The following TNS4 variants were observed in gnomAD, a reference collection of about 807,000 sequenced individuals.
The protein encoded by TNS4 is tensin 4, also known as tensin-4.
TNS4 carries 46 observed loss-of-function variants against 70.4 expected under a neutral mutation model. That is an observed-to-expected ratio of 0.65 (90% CI 0.52 to 0.84). TNS4 has a LOEUF of 0.84. TNS4 is among the 40% of genes least tolerant of loss of function. The probability of loss-of-function intolerance (pLI) is 0.00; values close to 1 mark genes in which losing one functional copy is unlikely to be tolerated. For missense variants in TNS4, 863 were observed against 907.0 expected, an observed-to-expected ratio of 0.95 and a Z score of 0.62; for synonymous variants, 390 against 366.6, an observed-to-expected ratio of 1.06 and a Z score of -0.73.
At chr17:40,497,606 C>CTAAACAAA (rs532218353) in intron 1 of TNS4, among the ~76,000 whole-genome samples, 1 of 152,074 alleles carries the variant, frequency 6.6e-6, no homozygotes, top group African/African-American at 2.4e-5. Flanking sequence ...CTGTCTCTAA[C>CTAAACAAA]TAAACAAATA....
At chr17:40,479,086 T>C (rs955949315) in intron 10 of TNS4, among the ~76,000 whole-genome samples, 1 of 152,178 alleles carries the variant, frequency 6.6e-6, no homozygotes, top group Non-Finnish European at 1.5e-5. Flanking sequence ...AGGGAAGATG[T>C]TCCATCAATG....
At position 40,488,686 on chromosome 17, in the gene TNS4, C is replaced by T. The variant is rs376473679; in HGVS notation, c.723G>A (p.Ser241=). The stretch of plus-strand genomic sequence containing the variant: ...GCGGGGAGCCCAAACCATGGGGGCT[C>T]GAGGCCTTGCTCCCCATGCAAGGGA... The part of the protein sequence containing the change: ...ISIPCMGSKA[S]SPHGLGSPLV... The change falls in exon 3 of 13, where the codon TCG becomes TCA. Residue 241 remains serine, a synonymous_variant. Coordinates refer to ENST00000254051, the MANE Select transcript of TNS4 (RefSeq NM_032865.6). 1.6e-5 allele frequency: 25 copies of T among 1,577,216 alleles called. No individual in the cohort carries two copies. Among genetic ancestry groups the T allele is most frequent in the Middle Eastern group, 1.7e-4 (1 of 5,894 alleles).
At chr17:40,497,140 T>C (rs1468901347) in intron 1 of TNS4, among the ~76,000 whole-genome samples, 6 of 152,086 alleles carry the variant, frequency 3.9e-5, no homozygotes, top group Non-Finnish European at 8.8e-5. Flanking sequence ...TGAACAACTG[T>C]AAGCAGTGTC....
Position 40,476,431 on chromosome 17 carries a change from G to GTGTGTGTGT in TNS4, c.*1156_*1157insACACACACA, listed in dbSNP as rs2035850392. Reference sequence around the variant, plus strand: ...GTGTGTGTGTGTGTGTGTGTGTGTTGGAGCGTGGGTTGGGGGAGGGCTCAG... The same window carrying GTGTGTGTGT: ...GTGTGTGTGTGTGTGTGTGTGTGTTGTGTGTGTGTGAGCGTGGGTTGGGGGAGGGCTCAG... On this transcript the variant is annotated 3_prime_UTR_variant, in exon 13 of 13. Transcript: ENST00000254051. 1 of 90,060 alleles carries GTGTGTGTGT rather than the reference G, an allele frequency of 1.1e-5. No individual in the cohort carries two copies. Among genetic ancestry groups the GTGTGTGTGT allele is most frequent in the Admixed American group, 1.4e-4 (1 of 7,026 alleles). The allele number at this position is 90,060 out of a possible 1,614,324, so 5.6% of individuals were successfully genotyped here.
chr17:40,484,560 G>A lies in TNS4; in HGVS notation c.1425C>T (p.Asp475=). Reference sequence around the variant, plus strand: ...CGAAGGAGCCTCGGTATGAAGAGCTGTCCCTTATGACAAAAGCCCCTGGCT... The same window carrying A: ...CGAAGGAGCCTCGGTATGAAGAGCTATCCCTTATGACAAAAGCCCCTGGCT... The part of the protein sequence containing the change: ...KEEPGAFVIR[D]SSSYRGSFGL... The change falls in exon 6 of 13, where the codon GAC becomes GAT. Residue 475 remains aspartate, a synonymous_variant. Coordinates refer to ENST00000254051, the MANE Select transcript of TNS4 (RefSeq NM_032865.6). 1 of 1,612,916 alleles carries A rather than the reference G, an allele frequency of 6.2e-7. No homozygotes were observed. Among genetic ancestry groups the A allele is most frequent in the South Asian group, 1.1e-5 (1 of 91,082 alleles).
In TNS4 at chr17:40,496,033, G is replaced by C; in HGVS notation, c.393C>G (p.Ala131=). 6.2e-7 allele frequency: 1 copy of C among 1,613,532 alleles called. No homozygotes were observed. Among genetic ancestry groups the C allele is most frequent in the Non-Finnish European group, 8.5e-7 (1 of 1,179,816 alleles). Residue 131 remains alanine, a synonymous_variant, in exon 2 of 13, where the codon GCC becomes GCG. Transcript: ENST00000254051. Reference sequence around the variant, plus strand: ...TCTTTCTCATTGACATGGTGCTCTGGGCCAGCTCAGCCTGGGAGCCCCCAG... The same window carrying C: ...TCTTTCTCATTGACATGGTGCTCTGCGCCAGCTCAGCCTGGGAGCCCCCAG... ...PGTGGSQAEL[A]QSTMSMRKKE... is the part of the protein sequence containing the mutation.
Position 40,479,726 on chromosome 17 carries a change from C to T in TNS4, c.1858G>A (p.Val620Ile), listed in dbSNP as rs750443853. 1.2e-6 allele frequency: 2 copies of T among 1,614,110 alleles called. No homozygotes were observed. Among genetic ancestry groups the T allele is most frequent in the Non-Finnish European group, 1.7e-6 (2 of 1,180,018 alleles). ...CCCTGCTCTGTGACTTTGAAGTGGA[C>T]CACGGTGGGCGTGGGGAGGATGTCC... is the stretch of plus-strand genomic sequence containing the variant. ...ERDILPTPTV[V>I]HFKVTEQGIT... Residue 620 changes from valine to isoleucine, a missense_variant, in exon 10 of 13, where the codon GTC (valine) becomes ATC (isoleucine). Val to Ile is a conservative substitution (Grantham distance 29). Transcript: ENST00000254051.
chr17:40,480,960 G>C, intron 8 of TNS4, 192 bp from the exon 9 acceptor site: 1 of 609,328 alleles, frequency 1.6e-6, no homozygotes, highest in Non-Finnish European at 2.9e-6. Context: ...TAAATGCTTA[G>C]TTTGCAACCC....
In TNS4 at chr17:40,484,932, G is replaced by A. The variant is rs1349279303; in HGVS notation, c.1364C>T (p.Thr455Ile). The A allele has an allele frequency of 1.9e-6, 3 of 1,614,196 alleles. No individual in the cohort carries two copies. Among genetic ancestry groups the A allele is most frequent in the Non-Finnish European group, 8.5e-7 (1 of 1,180,046 alleles). ...GTGCTTCCTTTTACCTTGCTCTCGG[G>A]TGATGTTTGGCTTAAACCAGTATTT... ...TSKYWFKPNI[T>I]REQAIELLRK... Residue 455 changes from threonine (T) to isoleucine (I), a missense_variant, in exon 5 of 13, where the codon ACC becomes ATC. Coordinates refer to ENST00000254051, the MANE Select transcript of TNS4 (RefSeq NM_032865.6).
intron 1 of TNS4, among the ~76,000 whole-genome samples, chr17:40,500,205 C>G (rs1001897807): frequency 1.3e-5 from 2 of 152,200 alleles, no homozygotes; most frequent in Admixed American, 6.5e-5. Context: ...ATTTAAGAAC[C>G]CTGTCCACCG....
intron 5 of TNS4, 152 bp from the exon 6 acceptor site, chr17:40,484,761 G>A: frequency 7.0e-7 from 1 of 1,419,328 alleles, no homozygotes; most frequent in Non-Finnish European, 9.6e-7. Flanking sequence ...TCTTGCTGTG[G>A]TTCCTACTTC....
intron 3 of TNS4, 74 bp downstream of exon 3, chr17:40,488,472 T>A: frequency 7.3e-7 from 1 of 1,370,482 alleles, no homozygotes; most frequent in Non-Finnish European, 9.6e-7. Context: ...AGGGTCCCTT[T>A]CAGTGATTTT....
chr17:40,480,555 T>G, intron 9 of TNS4, 145 bp downstream of exon 9: 5 of 763,000 alleles, frequency 6.6e-6, no homozygotes, highest in East Asian at 3.5e-5. Context: ...GTGTGGCACC[T>G]TGTTAAAGAT....
In TNS4 at chr17:40,487,071, G is replaced by A; in HGVS notation, c.1253C>T (p.Thr418Ile). ...TGTGGTAAAGGGGGCATCTGACAGGGTCTGGCTGTTGCTCCTGGTGGCTGG... is the reference window on the plus strand; with the variant it reads ...TGTGGTAAAGGGGGCATCTGACAGGATCTGGCTGTTGCTCCTGGTGGCTGG... Reference protein sequence around the residue: ...PCPATRSNSQTLSDAPFTTCP... With the variant: ...PCPATRSNSQILSDAPFTTCP... The change falls in exon 4 of 13, where the codon ACC becomes ATC. Residue 418 changes from threonine (T) to isoleucine (I), a missense_variant. Transcript: ENST00000254051. The A allele has an allele frequency of 6.2e-7, 1 of 1,614,218 alleles. No homozygotes were observed. The highest frequency in any genetic ancestry group is 8.5e-7 in the Non-Finnish European group (1 of 1,180,034).
At chr17:40,489,502 G>A (rs2036038403) in intron 2 of TNS4, among the ~76,000 whole-genome samples, 1 of 152,130 alleles carries the variant, frequency 6.6e-6, no homozygotes, top group African/African-American at 2.4e-5. Context: ...TGCTACTCAG[G>A]ATGTGTGAAA....
chr17:40,479,739 G>T lies in TNS4; in HGVS notation c.1845C>A (p.Pro615=), dbSNP rs772411955. ...ISTTFERDIL[P]TPTVVHFKVT... ...CTTTGAAGTGGACCACGGTGGGCGTGGGGAGGATGTCCCTCTCAAAGGTGG... is the reference window on the plus strand; with the variant it reads ...CTTTGAAGTGGACCACGGTGGGCGTTGGGAGGATGTCCCTCTCAAAGGTGG... The change falls in exon 10 of 13, where the codon CCC becomes CCA. Residue 615 remains proline (P), a synonymous_variant. Coordinates refer to ENST00000254051, the MANE Select transcript of TNS4 (RefSeq NM_032865.6). 6.2e-7 allele frequency: 1 copy of T among 1,614,076 alleles called. No homozygotes were observed. The highest frequency in any genetic ancestry group is 1.3e-5 in the African/African-American group (1 of 75,038).
At chr17:40,483,710 T>A (rs746930865) in intron 6 of TNS4, among the ~76,000 whole-genome samples, 1 of 152,112 alleles carries the variant, frequency 6.6e-6, no homozygotes, top group Non-Finnish European at 1.5e-5. Flanking sequence ...AGTAACACCC[T>A]CCCCAGAGGT....
In TNS4 at chr17:40,491,858, G is replaced by A. The variant is rs2036072818; in HGVS notation, c.440-2889C>T. ...AGGGAGGGCGTGTGGGTGAGGGGTG[G>A]AGAGATACTTATTAAATACCCTTCA... On this transcript the variant is annotated intron_variant, in intron 2 of 12. Coordinates refer to ENST00000254051, the MANE Select transcript of TNS4 (RefSeq NM_032865.6). Among the ~76,000 whole-genome samples, 5 of 152,134 alleles carry A rather than the reference G, an allele frequency of 3.3e-5. No homozygotes were observed. In the South Asian group the frequency reaches 1.0e-3, roughly 31 times the overall value.
rs914365761 is a variant in TNS4, at chr17:40,477,797, T to A, written c.2007-68A>T. On this transcript the variant is annotated intron_variant, in intron 12 of 12. Coordinates refer to ENST00000254051, the MANE Select transcript of TNS4 (RefSeq NM_032865.6). ...AGGCATCAGGCTGGTGGGAATGGGG[T>A]GGTGGGGGGCCCTCAGCCTGCATCT... is the stretch of plus-strand genomic sequence containing the variant. 9.1e-6 allele frequency: 13 copies of A among 1,425,648 alleles called. 2 individuals are homozygous for A. In the South Asian group the frequency reaches 1.5e-4, roughly 17 times the overall value. 88.3% of individuals were successfully genotyped at this position (1,425,648 alleles called of 1,614,324 possible). A position where few individuals can be genotyped will look rare whatever the true frequency, so the allele number is the denominator to read the frequency against.
Sources: allele counts gnomAD v4.1 joint callset (sites outside exome capture counted in the v4.1 genomes callset), GRCh38; gene constraint gnomAD v4.1.1; transcripts MANE v1.5; gene names NCBI Gene and HGNC (gene_info 2026-07-23, HGNC 2026-07-21).